CTNNA3: variants seen among roughly 807,000 people sequenced by gnomAD.
CTNNA3 encodes catenin alpha 3.
Under a neutral mutation model 95.7 loss-of-function variants are expected in CTNNA3, and 76 were observed. The ratio of observed to expected loss-of-function variants is 0.79; its 90% CI spans 0.66 to 0.96. The LOEUF (loss-of-function observed/expected upper bound fraction) is 0.96. CTNNA3 is among the 40% of genes least tolerant of loss of function. The pLI is 0.00. For synonymous variants in CTNNA3, 431 were observed against 374.4 expected (o/e 1.15, Z -1.74); for missense variants, 1,191 against 1,089.8 (o/e 1.09, Z -1.31).
chr10:66,702,763 A>AGTAGTG (rs1329201084), intron 9 of CTNNA3, among the ~76,000 whole-genome samples: 1 of 148,090 alleles, frequency 6.8e-6, no homozygotes, highest in African/African-American at 2.5e-5. Flanking sequence ...TAGTAGTAGT[A>AGTAGTG]GCCATCGTCG....
At chr10:67,678,089 T>C (rs1840565729) in intron 1 of CTNNA3, among the ~76,000 whole-genome samples, 2 of 152,096 alleles carry the variant, frequency 1.3e-5, no homozygotes, top group Admixed American at 1.3e-4. Context: ...ACACCAGGAC[T>C]AAATATAAAT....
intron 7 of CTNNA3, among the ~76,000 whole-genome samples, chr10:66,974,828 T>A (rs970445253): frequency 6.6e-6 from 1 of 152,136 alleles, no homozygotes; most frequent in Non-Finnish European, 1.5e-5. Context: ...GAAGTGTCTG[T>A]TGAAGACTTT....
Position 66,487,181 on chromosome 10 carries a change from A to ATT in CTNNA3, c.1531+33434_1531+33435dup, listed in dbSNP as rs60547696. Among the ~76,000 whole-genome samples the ATT allele has an allele frequency of 1.1e-3, 49 of 45,986 alleles. 3 individuals carry two copies. Among genetic ancestry groups the ATT allele is most frequent in the African/African-American group, 2.4e-3 (27 of 11,114 alleles). 30.2% of individuals were successfully genotyped at this position (45,986 alleles called of 152,430 possible). ...TACTTGAAATTTAATAAAAGGGCAGATTTTTTTTTTTTTTTTTTTTTTTTT... is the reference window on the plus strand; with the variant it reads ...TACTTGAAATTTAATAAAAGGGCAGATTTTTTTTTTTTTTTTTTTTTTTTTTT... On this transcript the variant is annotated intron_variant, in intron 11 of 17. Coordinates refer to ENST00000433211, the MANE Select transcript of CTNNA3 (RefSeq NM_013266.4).
At chr10:66,814,454 A>T (rs1322173854) in intron 7 of CTNNA3, among the ~76,000 whole-genome samples, 1 of 152,128 alleles carries the variant, frequency 6.6e-6, no homozygotes, top group Non-Finnish European at 1.5e-5. Context: ...TAAAATGCAA[A>T]AAGACGGGCT....
intron 1 of CTNNA3, among the ~76,000 whole-genome samples, chr10:67,723,798 A>T (rs117859086): frequency 6.6e-6 from 1 of 151,690 alleles, no homozygotes; most frequent in East Asian, 1.9e-4. Context: ...GCAGACCACA[A>T]TTCTCTCATG....
chr10:66,682,366 A>G (rs143900516), intron 9 of CTNNA3, among the ~76,000 whole-genome samples: 5 of 152,320 alleles, frequency 3.3e-5, no homozygotes, highest in Admixed American at 3.3e-4. Flanking sequence ...AAAAGAAAAT[A>G]AAGAAATCTT....
chr10:66,895,054 C>CAAAAAAAAAA lies in CTNNA3; in HGVS notation c.1048-119540_1048-119531dup, dbSNP rs537843933. Among the ~76,000 whole-genome samples the CAAAAAAAAAA allele has an allele frequency of 1.8e-3, 208 of 115,224 alleles. 1 individual carries two copies. Among genetic ancestry groups the CAAAAAAAAAA allele is most frequent in the Non-Finnish European group, 2.5e-3 (143 of 58,120 alleles). The allele number at this position is 115,224 out of a possible 152,430, so 75.6% of individuals were successfully genotyped here. A position where few individuals can be genotyped will look rare whatever the true frequency, so the allele number is the denominator to read the frequency against. On this transcript the variant is annotated intron_variant, in intron 7 of 17. Transcript: ENST00000433211. ...ATAGAGAAAAAGTGAAACAAATAAA[C>CAAAAAAAAAA]AAAAAAAAAAAAAAAAAAGAAAGTG... is the stretch of plus-strand genomic sequence containing the variant.
At chr10:66,437,652 C>A (rs2093347721) in intron 11 of CTNNA3, among the ~76,000 whole-genome samples, 1 of 152,048 alleles carries the variant, frequency 6.6e-6, no homozygotes, top group Non-Finnish European at 1.5e-5. Flanking sequence ...GAACATGCTT[C>A]TTTTGCTCAG....
intron 7 of CTNNA3, among the ~76,000 whole-genome samples, chr10:66,933,946 GGAT>G (rs1847549307): frequency 6.6e-6 from 1 of 152,106 alleles, no homozygotes; most frequent in African/African-American, 2.4e-5. Flanking sequence ...ATCAGAGAGA[GGAT>G]GATGGTTTTT....
intron 11 of CTNNA3, among the ~76,000 whole-genome samples, chr10:66,511,613 C>A (rs1423928459): frequency 6.6e-6 from 1 of 151,662 alleles, no homozygotes; most frequent in Non-Finnish European, 1.5e-5. Flanking sequence ...TTAATTTCTT[C>A]ATTAACTCAT....
intron 12 of CTNNA3, among the ~76,000 whole-genome samples, chr10:66,328,933 TACACAC>T (rs767852399): frequency 7.8e-5 from 9 of 115,342 alleles, no homozygotes; most frequent in South Asian, 3.0e-4. Flanking sequence ...TATATATATA[TACACAC>T]ACACATATAA....
rs146433276 is a variant in CTNNA3 at position 66,623,120 on chromosome 10, T to A, written c.1282-1336A>T. Among the ~76,000 whole-genome samples, 647 of 152,220 alleles carry A rather than the reference T, an allele frequency of 4.3e-3. 3 individuals are homozygous for A. The highest frequency in any genetic ancestry group is 0.015 in the African/African-American group (613 of 41,548). On this transcript the variant is annotated intron_variant, in intron 9 of 17. Transcript: ENST00000433211. ...TGTTTGAAAAGGGCAACAGTTTCTG[T>A]GCCCCTTTCCACTCCCCAAACCCCA...
intron 3 of CTNNA3, among the ~76,000 whole-genome samples, chr10:67,585,473 T>C (rs967375081): frequency 6.6e-6 from 1 of 152,156 alleles, no homozygotes; most frequent in Non-Finnish European, 1.5e-5. Flanking sequence ...TGGGCTTTTC[T>C]TTTGGGGGAG....
At chr10:67,069,852 AT>A (rs1856337673) in intron 7 of CTNNA3, among the ~76,000 whole-genome samples, 1 of 152,116 alleles carries the variant, frequency 6.6e-6, no homozygotes, top group Non-Finnish European at 1.5e-5. Flanking sequence ...TTTTGGCACT[AT>A]TACAAAAAGG....
chr10:66,179,954 A>C (rs191818406), intron 13 of CTNNA3, among the ~76,000 whole-genome samples: 6 of 152,292 alleles, frequency 3.9e-5, no homozygotes, highest in Admixed American at 1.3e-4. Flanking sequence ...TGGGTTGAAT[A>C]GTAGATGTGC....
chr10:66,242,928 C>A (rs183230906), intron 13 of CTNNA3, among the ~76,000 whole-genome samples: 363 of 152,250 alleles, frequency 2.4e-3, no homozygotes, highest in African/African-American at 8.4e-3. Flanking sequence ...CATGTTAATA[C>A]AATTGAACAG....
intron 10 of CTNNA3, among the ~76,000 whole-genome samples, chr10:66,594,128 T>C (rs938685130): frequency 6.6e-5 from 10 of 152,112 alleles, no homozygotes; most frequent in Admixed American, 2.6e-4. Flanking sequence ...TCCTCAAATC[T>C]TTCCCAGCTC....
In CTNNA3 at chr10:67,609,815, G is replaced by A. The variant is rs187870461; in HGVS notation, c.100-2766C>T. ...ACAAAGGTATTCTCTCTGGATCTAA[G>A]TTTATCTTGCTCTTGGGGCCCCCCA... is the stretch of plus-strand genomic sequence containing the variant. On this transcript the variant is annotated intron_variant, in intron 2 of 17. Coordinates refer to ENST00000433211, the MANE Select transcript of CTNNA3 (RefSeq NM_013266.4). Among the ~76,000 whole-genome samples the A allele has an allele frequency of 3.5e-3, 540 of 152,266 alleles. 2 individuals are homozygous for A. The highest frequency in any genetic ancestry group is 4.7e-3 in the Non-Finnish European group (317 of 68,018).
intron 5 of CTNNA3, among the ~76,000 whole-genome samples, chr10:67,314,524 A>G (rs934387983): frequency 4.5e-4 from 68 of 152,334 alleles, no homozygotes; most frequent in Non-Finnish European, 6.6e-4. Flanking sequence ...AATATCAAAC[A>G]ATACAGAGAT....
Sources: gnomAD v4.1 joint callset for allele counts (sites outside exome capture counted in the v4.1 genomes callset) on GRCh38, gnomAD v4.1.1 for gene constraint, MANE v1.5 for transcripts, NCBI Gene and HGNC (gene_info 2026-07-23, HGNC 2026-07-21) for gene names.